GADL1: variants seen among roughly 807,000 people sequenced by gnomAD.
GADL1 encodes acidic amino acid decarboxylase GADL1.
In GADL1, 71 loss-of-function variants were observed where a neutral mutation model predicts 69.5. The ratio of observed to expected loss-of-function variants is 1.02; its 90% CI spans 0.84 to 1.25. The LOEUF (loss-of-function observed/expected upper bound fraction) is 1.25, where lower values mean the gene tolerates loss of function less well. Among genes scored for constraint, GADL1 ranks in the 50% most tolerant of loss-of-function variants. The pLI is 0.00. For synonymous variants in GADL1, 254 were observed against 214.4 expected, an observed-to-expected ratio of 1.18 and a Z score of -1.62; for missense variants, 737 against 631.8, an observed-to-expected ratio of 1.17 and a Z score of -1.79.
intron 4 of GADL1, among the ~76,000 whole-genome samples, chr3:30,852,606 G>A (rs1698165872): frequency 6.6e-6 from 1 of 151,544 alleles, no homozygotes; most frequent in Admixed American, 6.6e-5. Context: ...ATATTTATGT[G>A]AACCTACAAA....
At chr3:30,759,583 T>C (rs1394921456) in intron 14 of GADL1, among the ~76,000 whole-genome samples, 2 of 152,208 alleles carry the variant, frequency 1.3e-5, no homozygotes, top group African/African-American at 4.8e-5. Flanking sequence ...AAGCCTAATT[T>C]TGAATTGTCA....
chr3:30,752,179 C>T (rs1695837662), intron 14 of GADL1, among the ~76,000 whole-genome samples: 1 of 140,768 alleles, frequency 7.1e-6, no homozygotes, highest in Admixed American at 6.8e-5. Flanking sequence ...TGATGTAGTG[C>T]TGTTAAGTTC....
intron 11 of GADL1, among the ~76,000 whole-genome samples, chr3:30,828,448 T>C (rs756303639): frequency 6.9e-6 from 1 of 145,318 alleles, no homozygotes; most frequent in Non-Finnish European, 1.5e-5. Flanking sequence ...TCCCACTCTT[T>C]TTTCTGCTAC....
chr3:30,801,694 G>A (rs1697168754), intron 11 of GADL1, among the ~76,000 whole-genome samples: 1 of 152,098 alleles, frequency 6.6e-6, no homozygotes, highest in Non-Finnish European at 1.5e-5. Flanking sequence ...AATTCCATTT[G>A]CATTTACTGA....
intron 8 of GADL1, 65 bp from the exon 9 acceptor site, chr3:30,839,178 G>A: frequency 1.9e-6 from 2 of 1,058,072 alleles, no homozygotes; most frequent in South Asian, 1.9e-5. Flanking sequence ...TGTAATAGCT[G>A]GAAAATATAA....
chr3:30,766,846 AGG>A (rs59400342), intron 14 of GADL1, among the ~76,000 whole-genome samples: 66,729 of 151,752 alleles, frequency 0.44, 14,660 homozygotes, highest in African/African-American at 0.46. Context: ...CTATGGGACA[AGG>A]GGGGAAACAT....
intron 11 of GADL1, among the ~76,000 whole-genome samples, chr3:30,830,406 T>G (rs999890632): frequency 1.3e-5 from 2 of 151,984 alleles, no homozygotes; most frequent in Non-Finnish European, 1.5e-5. Flanking sequence ...TCAATGTCTT[T>G]CGTTATGGGG....
Position 30,862,545 on chromosome 3 carries a change from G to A in GADL1, c.38-780C>T, listed in dbSNP as rs4955345. Among the ~76,000 whole-genome samples, 1,089 of 151,894 alleles carry A rather than the reference G, an allele frequency of 7.2e-3. 23 individuals carry two copies. The highest frequency in any genetic ancestry group is 0.043 in the East Asian group (222 of 5,134). On this transcript the variant is annotated intron_variant, in intron 1 of 14. Transcript: ENST00000282538. ...TTCTGAGCCCTAGGATGAAGCTTTG[G>A]GCAGAGATAAAGAAAATAGCACCTG...
intron 1 of GADL1, among the ~76,000 whole-genome samples, chr3:30,863,827 C>A (rs1430254694): frequency 6.6e-6 from 1 of 151,750 alleles, no homozygotes; most frequent in African/African-American, 2.4e-5. Context: ...GTTAAACGTT[C>A]TGATAAAATT....
At chr3:30,848,819 A>G in intron 6 of GADL1, among the ~76,000 whole-genome samples, 1 of 152,152 alleles carries the variant, frequency 6.6e-6, no homozygotes, top group East Asian at 1.9e-4. Flanking sequence ...CTCATTTAAC[A>G]TTTGCCAAAA....
At chr3:30,777,955 C>A (rs1190892930) in intron 14 of GADL1, among the ~76,000 whole-genome samples, 1 of 152,192 alleles carries the variant, frequency 6.6e-6, no homozygotes, top group African/African-American at 2.4e-5. Context: ...AGAACTTCTA[C>A]CTTACAGACA....
chr3:30,800,854 AAGAGAGAG>A lies in GADL1; in HGVS notation c.1250+27_1250+34del, dbSNP rs10553550. ...ACACACACACACACACACACACAGAAAGAGAGAGAGAGAGAGAGAGAGAGAGGCTAGTA... is the reference window on the plus strand; with the variant it reads ...ACACACACACACACACACACACAGAAAGAGAGAGAGAGAGAGAGGCTAGTA... On this transcript the variant is annotated intron_variant, in intron 12 of 14. Coordinates refer to ENST00000282538, the MANE Select transcript of GADL1 (RefSeq NM_207359.3). 1,246 of 1,180,232 alleles carry A rather than the reference AAGAGAGAG, an allele frequency of 1.1e-3. 4 individuals are homozygous for A. The highest frequency in any genetic ancestry group is 1.3e-3 in the South Asian group (99 of 76,796). The allele number at this position is 1,180,232 out of a possible 1,614,324, so 73.1% of individuals were successfully genotyped here. A position where few individuals can be genotyped will look rare whatever the true frequency, so the allele number is the denominator to read the frequency against.
At chr3:30,736,520 C>T (rs906352395) in intron 14 of GADL1, among the ~76,000 whole-genome samples, 11 of 152,158 alleles carry the variant, frequency 7.2e-5, no homozygotes, top group Non-Finnish European at 1.2e-4. Context: ...AATCAATTTA[C>T]ACTCCCGCTT....
chr3:30,863,838 C>A (rs183496755), intron 1 of GADL1, among the ~76,000 whole-genome samples: 55 of 152,106 alleles, frequency 3.6e-4, no homozygotes, highest in African/African-American at 1.3e-3. Context: ...TGATAAAATT[C>A]TATGGCTCCA....
At chr3:30,863,951 G>T (rs1698358875) in intron 1 of GADL1, among the ~76,000 whole-genome samples, 1 of 152,030 alleles carries the variant, frequency 6.6e-6, no homozygotes, top group Non-Finnish European at 1.5e-5. Flanking sequence ...GATGGAATCT[G>T]CAGCAAAGGA....
intron 2 of GADL1, 58 bp from the exon 3 acceptor site, chr3:30,857,199 T>C: frequency 2.0e-6 from 3 of 1,483,462 alleles, no homozygotes; most frequent in Non-Finnish European, 2.8e-6. Flanking sequence ...ATTGAGAGGA[T>C]GTTACAAACG....
chr3:30,809,437 C>T (rs1195568701), intron 11 of GADL1, among the ~76,000 whole-genome samples: 1 of 152,172 alleles, frequency 6.6e-6, no homozygotes, highest in Non-Finnish European at 1.5e-5. Flanking sequence ...ATTCAAGAGG[C>T]AGACACATTG....
intron 14 of GADL1, among the ~76,000 whole-genome samples, chr3:30,768,954 G>T (rs1259210639): frequency 3.3e-5 from 5 of 152,104 alleles, no homozygotes; most frequent in African/African-American, 7.2e-5. Flanking sequence ...AAGAGACCAT[G>T]GAAAAAGTCT....
intron 2 of GADL1, among the ~76,000 whole-genome samples, chr3:30,859,577 G>A (rs1698284385): frequency 6.6e-6 from 1 of 151,844 alleles, no homozygotes; most frequent in East Asian, 1.9e-4. Flanking sequence ...ATATAGAACA[G>A]TTCCATCATA....
Sources: allele counts gnomAD v4.1 joint callset (sites outside exome capture counted in the v4.1 genomes callset), GRCh38; gene constraint gnomAD v4.1.1; transcripts MANE v1.5; gene names NCBI Gene and HGNC (gene_info 2026-07-23, HGNC 2026-07-21).